CNTNAP5: variants seen among roughly 807,000 people sequenced by gnomAD.
CNTNAP5 encodes contactin-associated protein-like 5.
A neutral mutation model predicts 150.2 loss-of-function variants in CNTNAP5; 72 were observed. That is an observed-to-expected ratio of 0.48 (90% CI 0.40 to 0.58). The LOEUF (loss-of-function observed/expected upper bound fraction) is 0.58. Ranked by LOEUF, CNTNAP5 falls within the 20% of genes least tolerant of loss-of-function variation. The probability of loss-of-function intolerance (pLI) is 0.00; values close to 1 mark genes in which losing one functional copy is unlikely to be tolerated. For missense variants in CNTNAP5, 1,636 were observed against 1,626.2 expected (o/e 1.01, Z -0.10); for synonymous variants, 672 against 619.8 (o/e 1.08, Z -1.25).
intron 1 of CNTNAP5, among the ~76,000 whole-genome samples, chr2:124,032,283 AG>A (rs966745918): frequency 1.7e-4 from 26 of 152,104 alleles, no homozygotes; most frequent in Admixed American, 1.5e-3. Flanking sequence ...GAGAAATGGG[AG>A]GGGGGCAGTT....
chr2:124,189,498 A>G (rs1210959501), intron 1 of CNTNAP5, among the ~76,000 whole-genome samples: 1 of 152,124 alleles, frequency 6.6e-6, no homozygotes, highest in Admixed American at 6.5e-5. Flanking sequence ...GCAACTTTGA[A>G]TTGTGATTCT....
At chr2:124,695,241 T>C (rs1366042271) in intron 13 of CNTNAP5, among the ~76,000 whole-genome samples, 1 of 152,192 alleles carries the variant, frequency 6.6e-6, no homozygotes, top group Non-Finnish European at 1.5e-5. Flanking sequence ...TGAGCAGAAG[T>C]GTGCAGTAGC....
intron 22 of CNTNAP5, among the ~76,000 whole-genome samples, chr2:124,910,020 T>C (rs188589311): frequency 1.3e-3 from 195 of 151,696 alleles, no homozygotes; most frequent in Non-Finnish European, 2.3e-3. Context: ...TTAATTACAA[T>C]ACCCTTCCCA....
intron 6 of CNTNAP5, among the ~76,000 whole-genome samples, chr2:124,469,896 G>A (rs1388187931): frequency 6.6e-6 from 1 of 152,120 alleles, no homozygotes; most frequent in Non-Finnish European, 1.5e-5. Context: ...TCCTGCAAAG[G>A]ACATGATCTC....
chr2:124,751,102 C>A (rs1247337453), intron 14 of CNTNAP5, among the ~76,000 whole-genome samples: 1 of 151,436 alleles, frequency 6.6e-6, no homozygotes, highest in Non-Finnish European at 1.5e-5. Flanking sequence ...TGTGCCTGAA[C>A]CTGGGGTAGA....
chr2:124,542,691 T>C (rs1487072055), intron 10 of CNTNAP5, among the ~76,000 whole-genome samples: 1 of 152,186 alleles, frequency 6.6e-6, no homozygotes, highest in East Asian at 1.9e-4. Flanking sequence ...TGGCACTTTC[T>C]TCTTATATTT....
At chr2:124,175,172 A>G (rs1685029638) in intron 1 of CNTNAP5, among the ~76,000 whole-genome samples, 1 of 152,126 alleles carries the variant, frequency 6.6e-6, no homozygotes, top group South Asian at 2.1e-4. Context: ...AAGACTTGCA[A>G]TATTTCTAAG....
chr2:124,379,133 G>GTT (rs149782242), intron 3 of CNTNAP5, among the ~76,000 whole-genome samples: 3 of 144,398 alleles, frequency 2.1e-5, no homozygotes, highest in Non-Finnish European at 3.0e-5. Flanking sequence ...CTTTTTTTTT[G>GTT]TTTTTTTTTT....
At chr2:124,253,457 G>A (rs1379629249) in intron 3 of CNTNAP5, among the ~76,000 whole-genome samples, 1 of 152,150 alleles carries the variant, frequency 6.6e-6, no homozygotes, top group African/African-American at 2.4e-5. Context: ...AGAGGATTTA[G>A]AAGATTTTTG....
At chr2:124,702,500 C>A (rs976070841) in intron 13 of CNTNAP5, among the ~76,000 whole-genome samples, 2 of 150,942 alleles carry the variant, frequency 1.3e-5, no homozygotes, top group African/African-American at 4.9e-5. Context: ...ACATTGCTTT[C>A]CCCCTAAGAC....
At chr2:124,319,305 C>CA (rs1050105096) in intron 3 of CNTNAP5, among the ~76,000 whole-genome samples, 187 of 147,758 alleles carry the variant, frequency 1.3e-3, no homozygotes, top group Middle Eastern at 0.01. Flanking sequence ...TGATAAGTGG[C>CA]AAAAAAAAAA....
At chr2:124,305,728 T>C (rs1417909335) in intron 3 of CNTNAP5, among the ~76,000 whole-genome samples, 1 of 152,200 alleles carries the variant, frequency 6.6e-6, no homozygotes, top group Non-Finnish European at 1.5e-5. Context: ...TCTCTTGCCT[T>C]TCTGCTTTAC....
intron 1 of CNTNAP5, among the ~76,000 whole-genome samples, chr2:124,173,861 G>A (rs972928950): frequency 1.3e-5 from 2 of 152,334 alleles, no homozygotes; most frequent in African/African-American, 2.4e-5. Flanking sequence ...CATAGCTAGA[G>A]AGGAGAAGTC....
chr2:124,842,406 A>G (rs1458666187), intron 19 of CNTNAP5, among the ~76,000 whole-genome samples: 1 of 152,194 alleles, frequency 6.6e-6, no homozygotes, highest in Non-Finnish European at 1.5e-5. Flanking sequence ...ACTGAAAAAT[A>G]TAAATTAAAG....
intron 4 of CNTNAP5, among the ~76,000 whole-genome samples, chr2:124,431,182 T>C (rs144373462): frequency 6.6e-6 from 1 of 152,258 alleles, no homozygotes; most frequent in East Asian, 1.9e-4. Flanking sequence ...TCTTAAGAGA[T>C]AACCTATGTC....
chr2:124,871,638 G>A (rs570127959), intron 21 of CNTNAP5, among the ~76,000 whole-genome samples: 5 of 152,192 alleles, frequency 3.3e-5, no homozygotes, highest in South Asian at 4.1e-4. Flanking sequence ...TGGCTTCCCC[G>A]GTTGCTACCA....
chr2:124,315,783 T>C (rs1688945324), intron 3 of CNTNAP5, among the ~76,000 whole-genome samples: 1 of 152,078 alleles, frequency 6.6e-6, no homozygotes, highest in Admixed American at 6.6e-5. Context: ...TTGAAAAAAA[T>C]CTACCCCTCA....
intron 19 of CNTNAP5, among the ~76,000 whole-genome samples, chr2:124,860,127 G>C (rs886950623): frequency 5.9e-5 from 9 of 151,930 alleles, no homozygotes; most frequent in African/African-American, 2.2e-4. Context: ...CAAAGTGGGT[G>C]GATCATGAGG....
At chr2:124,358,467 T>A (rs1328524351) in intron 3 of CNTNAP5, among the ~76,000 whole-genome samples, 2 of 152,116 alleles carry the variant, frequency 1.3e-5, no homozygotes, top group South Asian at 2.1e-4. Flanking sequence ...TATTATTTTG[T>A]AATATGTCCC....
Sources: gnomAD v4.1 joint callset for allele counts (sites outside exome capture counted in the v4.1 genomes callset) on GRCh38, gnomAD v4.1.1 for gene constraint, MANE v1.5 for transcripts, NCBI Gene and HGNC (gene_info 2026-07-23, HGNC 2026-07-21) for gene names.